LRRC31: variants seen among roughly 807,000 people sequenced by gnomAD.
The protein encoded by LRRC31 is leucine rich repeat containing 31.
Under a neutral mutation model 46.7 loss-of-function variants are expected in LRRC31, and 35 were observed. The observed-to-expected ratio is 0.75, with a 90% CI of 0.57 to 0.99. The LOEUF (loss-of-function observed/expected upper bound fraction) is 0.99, where lower values mean the gene tolerates loss of function less well. Among genes scored for constraint, LRRC31 ranks in the 50% least tolerant of loss-of-function variants. The probability of loss-of-function intolerance (pLI) is 0.00; values close to 1 mark genes in which losing one functional copy is unlikely to be tolerated. For missense variants in LRRC31, 613 were observed against 626.1 expected, an observed-to-expected ratio of 0.98 and a Z score of 0.22; for synonymous variants, 236 against 235.1, an observed-to-expected ratio of 1.00 and a Z score of -0.03.
At chr3:169,859,323 A>AGGGGGGGG (rs1781076485) in intron 3 of LRRC31, among the ~76,000 whole-genome samples, 1 of 137,980 alleles carries the variant, frequency 7.2e-6, no homozygotes, top group Non-Finnish European at 1.5e-5. Context: ...GGGGGCGGGT[A>AGGGGGGGG]GGCACTAGGA....
Position 169,854,961 on chromosome 3 carries a change from C to G in LRRC31, c.843G>C (p.Leu281Phe). The G allele has an allele frequency of 6.2e-7, 1 of 1,610,714 alleles. No individual in the cohort carries two copies. Among genetic ancestry groups the G allele is most frequent in the Non-Finnish European group, 8.5e-7 (1 of 1,179,824 alleles). Residue 281 changes from leucine to phenylalanine, a missense_variant, in exon 6 of 9, where the codon TTG (leucine) becomes TTC (phenylalanine). By Grantham distance (22) the Leu-to-Phe change is conservative. Transcript: ENST00000316428. The part of the protein sequence containing the change: ...VKILDAAFRY[L>F]GELRKLDLSC... ...AAAGATCTAATTTCCTCAGCTCACCCAAATACCTAAAAGCAGCATCTACAA... is the reference window on the plus strand; with the variant it reads ...AAAGATCTAATTTCCTCAGCTCACCGAAATACCTAAAAGCAGCATCTACAA...
chr3:169,851,731 T>C lies in LRRC31; in HGVS notation c.1047A>G (p.Lys349=). 1 of 1,614,168 alleles carries C rather than the reference T, an allele frequency of 6.2e-7. No homozygotes were observed. Among genetic ancestry groups the C allele is most frequent in the Non-Finnish European group, 8.5e-7 (1 of 1,180,006 alleles). Reference sequence around the variant, plus strand: ...AGTTTTCAGAAGAACTGCCCATCTTTTTGTTGGCTGATAAATCCAATTCTT... The same window carrying C: ...AGTTTTCAGAAGAACTGCCCATCTTCTTGTTGGCTGATAAATCCAATTCTT... ...NLQELDLSAN[K]KMGSSSENLL... is the part of the protein sequence containing the mutation. The change falls in exon 7 of 9, where the codon AAA becomes AAG. Residue 349 remains lysine, a synonymous_variant. Transcript: ENST00000316428.
At chr3:169,842,505 C>G (rs1780482264) in intron 8 of LRRC31, among the ~76,000 whole-genome samples, 1 of 152,146 alleles carries the variant, frequency 6.6e-6, no homozygotes, top group African/African-American at 2.4e-5. Flanking sequence ...CACCTGCCAC[C>G]ATGCCCAGCT....
Position 169,861,706 on chromosome 3 carries a change from T to G in LRRC31, c.283A>C (p.Asn95His), listed in dbSNP as rs769713682. The G allele has an allele frequency of 2.5e-6, 4 of 1,614,070 alleles. No homozygotes were observed. The African/African-American group carries it at 5.3e-5, about 22-fold the overall frequency. ...ATGTCCGCTGTTGTTAATCCACAGT[T>G]ATTCAAATCTAGACACTTGTTGACA... Reference protein sequence around the residue: ...KAVNKCLDLNNCGLTTADMKE... With the variant: ...KAVNKCLDLNHCGLTTADMKE... Residue 95 changes from asparagine (N) to histidine (H), a missense_variant, in exon 2 of 9, where the codon AAC becomes CAC. Physicochemically the swap from Asn to His is moderately conservative, Grantham distance 68. Transcript: ENST00000316428.
At chr3:169,855,296 G>A (rs1780910444) in intron 5 of LRRC31, among the ~76,000 whole-genome samples, 1 of 152,086 alleles carries the variant, frequency 6.6e-6, no homozygotes, top group African/African-American at 2.4e-5. Context: ...AGAAGGTGTG[G>A]AACAGGGGTG....
intron 7 of LRRC31, among the ~76,000 whole-genome samples, chr3:169,850,968 C>A (rs1780745403): frequency 1.3e-5 from 2 of 152,074 alleles, no homozygotes; most frequent in African/African-American, 4.8e-5. Context: ...AAACTTGTCA[C>A]CAAATGGGCA....
Position 169,856,503 on chromosome 3 carries a change from C to CTTAATTCTTGTCTACTCTAACTCCT in LRRC31, c.656-1_656insAGGAGTTAGAGTAGACAAGAATTAA (p.Gly219GlufsTer5). ...ACTTTGCAGCATAGGTAGCAGTTGA[C>CTTAATTCTTGTCTACTCTAACTCCT]CTAGAAGGAAAGAAATCCAAATAAG... On this transcript the variant is annotated stop_gained and frameshift_variant and splice_region_variant. Coordinates refer to ENST00000316428, the MANE Select transcript of LRRC31 (RefSeq NM_024727.4). LOFTEE classifies it high-confidence loss of function. 6.3e-7 allele frequency: 1 copy of CTTAATTCTTGTCTACTCTAACTCCT among 1,588,164 alleles called. No homozygotes were observed. The highest frequency in any genetic ancestry group is 8.6e-7 in the Non-Finnish European group (1 of 1,168,906).
chr3:169,848,008 G>T, intron 8 of LRRC31, 112 bp downstream of exon 8: 1 of 996,766 alleles, frequency 1.0e-6, no homozygotes, highest in East Asian at 2.4e-5. Flanking sequence ...AATCTGCACA[G>T]AGGGCTTCAC....
chr3:169,849,816 G>A (rs1453954641), intron 7 of LRRC31, among the ~76,000 whole-genome samples: 1 of 152,236 alleles, frequency 6.6e-6, no homozygotes, highest in African/African-American at 2.4e-5. Context: ...CATAAACCAT[G>A]TTGTCTGTGC....
intron 1 of LRRC31, among the ~76,000 whole-genome samples, chr3:169,866,177 C>T (rs2108230768): frequency 6.6e-6 from 1 of 152,232 alleles, no homozygotes; most frequent in East Asian, 1.9e-4. Flanking sequence ...GTGTAGAGGA[C>T]AGATTGGCAA....
Position 169,851,822 on chromosome 3 carries a change from CCA to C in LRRC31, c.992-38_992-37del, listed in dbSNP as rs745427458. The C allele has an allele frequency of 3.1e-6, 5 of 1,604,056 alleles. No homozygotes were observed. In the South Asian group the frequency reaches 5.5e-5, roughly 18 times the overall value. On this transcript the variant is annotated intron_variant, in intron 6 of 8. Coordinates refer to ENST00000316428, the MANE Select transcript of LRRC31 (RefSeq NM_024727.4). Reference sequence around the variant, plus strand: ...TATCAACAGTGACATGTTTTAGGCACCATCTCACAGGGAGTCTTCTGGGTGTT... The same window carrying C: ...TATCAACAGTGACATGTTTTAGGCACTCTCACAGGGAGTCTTCTGGGTGTT...
intron 6 of LRRC31, among the ~76,000 whole-genome samples, chr3:169,852,880 T>C (rs1007675416): frequency 6.6e-6 from 1 of 152,230 alleles, no homozygotes; most frequent in African/African-American, 2.4e-5. Flanking sequence ...GTTTTCTGTC[T>C]TCCCTCACTA....
chr3:169,852,800 C>A (rs1780828630), intron 6 of LRRC31, among the ~76,000 whole-genome samples: 1 of 152,210 alleles, frequency 6.6e-6, no homozygotes, highest in Admixed American at 6.5e-5. Context: ...ACCCCTTGGT[C>A]ACTATCACAT....
At chr3:169,858,796 G>A (rs1385689406) in intron 3 of LRRC31, among the ~76,000 whole-genome samples, 3 of 152,092 alleles carry the variant, frequency 2.0e-5, no homozygotes, top group Non-Finnish European at 4.4e-5. Context: ...TTGAAGTCAG[G>A]AGTTCAAAAC....
At position 169,839,962 on chromosome 3, in the gene LRRC31, G is replaced by A; in HGVS notation, c.*20C>T. ...CCTTTGGAGAATGGTTTGTAGCTTA[G>A]TAGGACATGGGAAATCAGTTTACTG... On this transcript the variant is annotated 3_prime_UTR_variant, in exon 9 of 9. Transcript: ENST00000316428. The A allele has an allele frequency of 6.4e-7, 1 of 1,574,132 alleles. No individual in the cohort carries two copies. The highest frequency in any genetic ancestry group is 8.7e-7 in the Non-Finnish European group (1 of 1,153,794).
intron 8 of LRRC31, among the ~76,000 whole-genome samples, chr3:169,844,600 C>T (rs1780547328): frequency 6.6e-6 from 1 of 151,876 alleles, no homozygotes; most frequent in South Asian, 2.1e-4. Context: ...GCTAAATAAC[C>T]AAGAAAAAGA....
intron 7 of LRRC31, among the ~76,000 whole-genome samples, chr3:169,850,424 ACGT>A (rs1225580155): frequency 3.3e-5 from 5 of 152,186 alleles, no homozygotes; most frequent in Non-Finnish European, 7.3e-5. Context: ...GTCCCAGGAT[ACGT>A]AGCCTTCAGC....
chr3:169,841,201 A>C (rs964306392), intron 8 of LRRC31, among the ~76,000 whole-genome samples: 4 of 152,208 alleles, frequency 2.6e-5, no homozygotes, highest in Admixed American at 1.3e-4. Flanking sequence ...GCCCTCCCAC[A>C]GGGCCCCAAT....
intron 4 of LRRC31, 99 bp from the exon 5 acceptor site, chr3:169,856,602 A>G: frequency 1.4e-6 from 2 of 1,386,188 alleles, no homozygotes; most frequent in South Asian, 1.5e-5. Context: ...CTCCCCTCCT[A>G]CATACCCTTC....
Sources: allele counts gnomAD v4.1 joint callset (sites outside exome capture counted in the v4.1 genomes callset), GRCh38; gene constraint gnomAD v4.1.1; transcripts MANE v1.5; gene names NCBI Gene and HGNC (gene_info 2026-07-23, HGNC 2026-07-21).